INSYN2B: variants seen among roughly 807,000 people sequenced by gnomAD.
INSYN2B encodes inhibitory synaptic factor family member 2B, also known as protein INSYN2B.
A neutral mutation model predicts 41.2 loss-of-function variants in INSYN2B; 16 were observed. The observed-to-expected ratio is 0.39, with a 90% CI of 0.26 to 0.59. The LOEUF (loss-of-function observed/expected upper bound fraction) is 0.59. Ranked by LOEUF, INSYN2B falls within the 20% of genes least tolerant of loss-of-function variation. The pLI is 0.57. For missense variants in INSYN2B, 608 were observed against 646.4 expected (o/e 0.94, Z 0.64); for synonymous variants, 245 against 244.4 (o/e 1.00, Z -0.02).
At chr5:169,917,842 C>G (rs1774959543) in intron 1 of INSYN2B, among the ~76,000 whole-genome samples, 1 of 152,170 alleles carries the variant, frequency 6.6e-6, no homozygotes, top group Non-Finnish European at 1.5e-5. Context: ...AGTTATTGTG[C>G]TAAAGCTGGT....
intron 1 of INSYN2B, among the ~76,000 whole-genome samples, chr5:169,897,307 C>T (rs1581378852): frequency 6.6e-6 from 1 of 152,198 alleles, no homozygotes; most frequent in Non-Finnish European, 1.5e-5. Context: ...GCCTCAGCCT[C>T]CCAAGTAGCT....
chr5:169,931,955 T>G (rs1484545923), intron 1 of INSYN2B, among the ~76,000 whole-genome samples: 1 of 152,184 alleles, frequency 6.6e-6, no homozygotes, highest in African/African-American at 2.4e-5. Context: ...AACAAATACC[T>G]CTGGAGCCTG....
intron 1 of INSYN2B, among the ~76,000 whole-genome samples, chr5:169,970,046 C>T (rs1164051987): frequency 6.6e-6 from 1 of 152,238 alleles, no homozygotes; most frequent in East Asian, 1.9e-4. Context: ...TCTCTGGCTA[C>T]AGTGATGTAA....
chr5:169,895,070 G>A (rs1290826101), intron 1 of INSYN2B, among the ~76,000 whole-genome samples: 2 of 152,126 alleles, frequency 1.3e-5, no homozygotes, highest in Non-Finnish European at 2.9e-5. Flanking sequence ...CTGGGACTTA[G>A]GCTCTCTGCC....
intron 1 of INSYN2B, among the ~76,000 whole-genome samples, chr5:169,899,872 T>A (rs182531645): frequency 6.6e-6 from 1 of 152,338 alleles, no homozygotes; most frequent in East Asian, 1.9e-4. Context: ...AGCAGACTCT[T>A]ACAGCCCTAA....
At chr5:169,906,374 C>A (rs930444659) in intron 1 of INSYN2B, among the ~76,000 whole-genome samples, 1 of 152,138 alleles carries the variant, frequency 6.6e-6, no homozygotes, top group African/African-American at 2.4e-5. Flanking sequence ...AGCAAACGGG[C>A]GTTCATCTCA....
At chr5:169,930,987 G>A (rs530397571) in intron 1 of INSYN2B, among the ~76,000 whole-genome samples, 4 of 152,342 alleles carry the variant, frequency 2.6e-5, no homozygotes, top group East Asian at 3.9e-4. Context: ...GCCATGGCAG[G>A]TACTCATGTG....
chr5:169,870,062 T>C (rs1367004418), intron 3 of INSYN2B, among the ~76,000 whole-genome samples: 1 of 152,128 alleles, frequency 6.6e-6, no homozygotes, highest in Non-Finnish European at 1.5e-5. Flanking sequence ...GGTATGTGAG[T>C]TGGTCTTCCT....
intron 1 of INSYN2B, among the ~76,000 whole-genome samples, chr5:169,936,152 A>G (rs1775983185): frequency 2.0e-5 from 3 of 152,192 alleles, no homozygotes; most frequent in Admixed American, 6.5e-5. Context: ...GAGATGGAGA[A>G]CAAAATCAAC....
At chr5:169,868,626 T>G (rs1267552103) in intron 3 of INSYN2B, among the ~76,000 whole-genome samples, 1 of 152,114 alleles carries the variant, frequency 6.6e-6, no homozygotes, top group East Asian at 1.9e-4. Flanking sequence ...TGTGTGGTGG[T>G]GTGCAACTGT....
chr5:169,927,380 C>G (rs1215201421), intron 1 of INSYN2B, among the ~76,000 whole-genome samples: 1 of 152,104 alleles, frequency 6.6e-6, no homozygotes, highest in African/African-American at 2.4e-5. Context: ...ATTGCTGGAC[C>G]CCATCCCTAG....
In INSYN2B at chr5:169,863,813, T is replaced by C. The variant is rs1771359161; in HGVS notation, c.*460A>G. On this transcript the variant is annotated 3_prime_UTR_variant, in exon 4 of 4. Coordinates refer to ENST00000377365, the MANE Select transcript of INSYN2B (RefSeq NM_001129891.3). ...GATATCTTAGAAAACTGCCAGTTTATCTCATTTTTTTCTATGGTACCTGCT... is the reference window on the plus strand; with the variant it reads ...GATATCTTAGAAAACTGCCAGTTTACCTCATTTTTTTCTATGGTACCTGCT... Among the ~76,000 whole-genome samples the C allele has an allele frequency of 6.6e-6, 1 of 152,242 alleles. No homozygotes were observed.
At chr5:169,965,569 AG>A (rs1385336583) in intron 1 of INSYN2B, among the ~76,000 whole-genome samples, 2 of 152,200 alleles carry the variant, frequency 1.3e-5, no homozygotes, top group Non-Finnish European at 1.5e-5. Flanking sequence ...CCACATATTA[AG>A]ATCACCCAGG....
At chr5:169,967,336 G>GT (rs1159597978) in intron 1 of INSYN2B, among the ~76,000 whole-genome samples, 1 of 152,212 alleles carries the variant, frequency 6.6e-6, no homozygotes, top group East Asian at 1.9e-4. Context: ...TGTTTAAAAG[G>GT]TAGGTAGATA....
At chr5:169,886,958 A>G (rs534284303) in intron 1 of INSYN2B, among the ~76,000 whole-genome samples, 1 of 152,272 alleles carries the variant, frequency 6.6e-6, no homozygotes, top group Non-Finnish European at 1.5e-5. Flanking sequence ...ATCCTATGAC[A>G]CTCGTAGAGG....
chr5:169,930,296 A>G (rs1775685164), intron 1 of INSYN2B, among the ~76,000 whole-genome samples: 1 of 152,118 alleles, frequency 6.6e-6, no homozygotes, highest in Non-Finnish European at 1.5e-5. Context: ...GGCCTAATTT[A>G]AATTTAAATA....
chr5:169,887,928 G>A (rs1773064737), intron 1 of INSYN2B, among the ~76,000 whole-genome samples: 1 of 152,092 alleles, frequency 6.6e-6, no homozygotes, highest in Non-Finnish European at 1.5e-5. Flanking sequence ...TTTAATCATT[G>A]CCAATAAAGT....
intron 1 of INSYN2B, among the ~76,000 whole-genome samples, chr5:169,910,971 A>G (rs536523656): frequency 5.3e-4 from 80 of 152,240 alleles, no homozygotes; most frequent in African/African-American, 1.8e-3. Context: ...GCCACTTGGA[A>G]GTGAGAATAA....
At chr5:169,865,077 A>G (rs1239024644) in intron 3 of INSYN2B, among the ~76,000 whole-genome samples, 1 of 152,184 alleles carries the variant, frequency 6.6e-6, no homozygotes, top group Non-Finnish European at 1.5e-5. Context: ...CAACTTCAAG[A>G]TATATCTTGG....
Sources: gnomAD v4.1 joint callset for allele counts (sites outside exome capture counted in the v4.1 genomes callset) on GRCh38, gnomAD v4.1.1 for gene constraint, MANE v1.5 for transcripts, NCBI Gene and HGNC (gene_info 2026-07-23, HGNC 2026-07-21) for gene names.